USP43: variants seen among roughly 807,000 people sequenced by gnomAD.
The protein encoded by USP43 is ubiquitin carboxyl-terminal hydrolase 43.
Under a neutral mutation model 90.7 loss-of-function variants are expected in USP43, and 33 were observed. The ratio of observed to expected loss-of-function variants is 0.36; its 90% CI spans 0.28 to 0.49. USP43 has a LOEUF of 0.49. Among genes scored for constraint, USP43 ranks in the 20% least tolerant of loss-of-function variants. The pLI is 0.98. For synonymous variants in USP43, 598 were observed against 615.8 expected, an observed-to-expected ratio of 0.97 and a Z score of 0.43; for missense variants, 1,274 against 1,476.4, an observed-to-expected ratio of 0.86 and a Z score of 2.25.
intron 2 of USP43, among the ~76,000 whole-genome samples, chr17:9,663,232 A>G (rs1233695898): frequency 6.6e-6 from 1 of 151,948 alleles, no homozygotes; most frequent in East Asian, 1.9e-4. Flanking sequence ...AGATTAAGTA[A>G]CTTTTTTAGC....
Position 9,645,934 on chromosome 17 carries a change from A to T in USP43, c.302A>T (p.Gln101Leu). Residue 101 changes from glutamine to leucine, a missense_variant, in exon 1 of 15, where the codon CAG becomes CTG. Gln to Leu is a moderately radical substitution (Grantham distance 113, BLOSUM62 -2). Coordinates refer to ENST00000285199, the MANE Select transcript of USP43 (RefSeq NM_153210.5). The surrounding 1 kb of genome is among the most constrained non-coding windows in gnomAD (Gnocchi z 6.8). ...AGDGARPPGA[Q>L]GLKNHGNTCF... Reference sequence around the variant, plus strand: ...GATGGGGCGCGGCCGCCGGGCGCTCAGGGCTTGAAGAACCACGGCAACACC... The same window carrying T: ...GATGGGGCGCGGCCGCCGGGCGCTCTGGGCTTGAAGAACCACGGCAACACC... 6.8e-7 allele frequency: 1 copy of T among 1,477,358 alleles called. No individual in the cohort carries two copies. Among genetic ancestry groups the T allele is most frequent in the African/African-American group, 1.5e-5 (1 of 67,698 alleles). 91.5% of individuals were successfully genotyped at this position (1,477,358 alleles called of 1,614,324 possible). A position where few individuals can be genotyped will look rare whatever the true frequency, so the allele number is the denominator to read the frequency against.
At chr17:9,695,701 C>A (rs1915219292) in intron 9 of USP43, among the ~76,000 whole-genome samples, 1 of 152,120 alleles carries the variant, frequency 6.6e-6, no homozygotes, top group African/African-American at 2.4e-5. Context: ...TGTTATACAT[C>A]CATTGCCACC....
At chr17:9,691,108 A>ATTTTTTTTTTTTTTTTTTTTTTTTTT (rs557338364) in intron 8 of USP43, among the ~76,000 whole-genome samples, 1 of 130,120 alleles carries the variant, frequency 7.7e-6, no homozygotes, top group Non-Finnish European at 1.6e-5. Flanking sequence ...AATTTCCTTC[A>ATTTTTTTTTTTTTTTTTTTTTTTTTT]TTTTTTTTTT....
At chr17:9,703,546 G>T (rs993153674) in intron 12 of USP43, among the ~76,000 whole-genome samples, 2 of 152,228 alleles carry the variant, frequency 1.3e-5, no homozygotes, top group African/African-American at 4.8e-5. Context: ...GTCAGTGTTT[G>T]CACACACAGT....
At chr17:9,725,512 C>A (rs980857772) in intron 14 of USP43, among the ~76,000 whole-genome samples, 1 of 152,166 alleles carries the variant, frequency 6.6e-6, no homozygotes, top group Non-Finnish European at 1.5e-5. Context: ...GCCTCTTATT[C>A]CCTTCTGTTC....
intron 2 of USP43, among the ~76,000 whole-genome samples, chr17:9,659,243 G>T (rs142425782): frequency 1.3e-5 from 2 of 152,274 alleles, no homozygotes; most frequent in East Asian, 3.9e-4. Flanking sequence ...TGTGCCAGGG[G>T]TGTAACTTGA....
rs373484534 is a variant in USP43, at chr17:9,701,158, C to A, written c.1575C>A (p.Ala525=). ...GSLQEERAQD[A]DSVWQQQQAH... Reference sequence around the variant, plus strand: ...TCCAGGAGGAGCGAGCGCAGGATGCCGACAGTGTGTGGCAGCAGCAGCAGG... The same window carrying A: ...TCCAGGAGGAGCGAGCGCAGGATGCAGACAGTGTGTGGCAGCAGCAGCAGG... Residue 525 remains alanine (A), a synonymous_variant, in exon 11 of 15, where the codon GCC becomes GCA. Transcript: ENST00000285199. This position sits in a 1 kb window ranked among gnomAD's most constrained non-coding sequence, Gnocchi z 7.2. The A allele has an allele frequency of 1.3e-6, 2 of 1,518,782 alleles. No individual in the cohort carries two copies. Among genetic ancestry groups the A allele is most frequent in the East Asian group, 4.7e-5 (2 of 42,548 alleles). 94.1% of individuals were successfully genotyped at this position (1,518,782 alleles called of 1,614,324 possible). A position where few individuals can be genotyped will look rare whatever the true frequency, so the allele number is the denominator to read the frequency against.
At chr17:9,657,951 A>G (rs1480722587) in intron 2 of USP43, among the ~76,000 whole-genome samples, 1 of 152,234 alleles carries the variant, frequency 6.6e-6, no homozygotes, top group African/African-American at 2.4e-5. Context: ...TTCCATATCA[A>G]TGAGTGAGCA....
In USP43 at chr17:9,648,853, CTCTT is replaced by C. The variant is rs550830667; in HGVS notation, c.504+2721_504+2724del. Among the ~76,000 whole-genome samples, 83 of 151,858 alleles carry C rather than the reference CTCTT, an allele frequency of 5.5e-4. No individual in the cohort carries two copies. In the East Asian group the frequency reaches 0.012, roughly 22 times the overall value. ...TGTCTTTTCCTTTCTCTTTCTGTTT[CTCTT>C]TCTCTCTCTCTTTTCCTTCCTTCCT... On this transcript the variant is annotated intron_variant, in intron 1 of 14. Transcript: ENST00000285199.
At chr17:9,703,473 G>T (rs1915691746) in intron 12 of USP43, among the ~76,000 whole-genome samples, 1 of 152,224 alleles carries the variant, frequency 6.6e-6, no homozygotes. Flanking sequence ...GATTTTGGGG[G>T]TGGTGGTATG....
rs567192579 is a variant in USP43 at position 9,655,164 on chromosome 17, C to T, written c.505-1239C>T. Among the ~76,000 whole-genome samples, 25 of 147,426 alleles carry T rather than the reference C, an allele frequency of 1.7e-4. No homozygotes were observed. In the East Asian group the frequency reaches 5.0e-3, roughly 29 times the overall value. On this transcript the variant is annotated intron_variant, in intron 1 of 14. Transcript: ENST00000285199. ...GGTAAGGATTGTCCTGGTCCTCAGT[C>T]TTATTAAAACCAGTCCCTTTGGCAG...
intron 8 of USP43, among the ~76,000 whole-genome samples, chr17:9,691,777 G>A (rs573187629): frequency 3.2e-4 from 49 of 152,176 alleles, no homozygotes; most frequent in Admixed American, 2.1e-3. Context: ...GGCCAGGTGC[G>A]GTGGCTCATG....
chr17:9,727,981 G>A lies in USP43; in HGVS notation c.2363G>A (p.Arg788Gln), dbSNP rs200272651. 3.6e-4 allele frequency: 574 copies of A among 1,609,268 alleles called. 3 individuals are homozygous for A. The highest frequency in any genetic ancestry group is 4.6e-4 in the Non-Finnish European group (541 of 1,176,316). Residue 788 changes from arginine (R) to glutamine (Q), a missense_variant, in exon 15 of 15, where the codon CGG (arginine) becomes CAG (glutamine). Physicochemically the swap from Arg to Gln is conservative, Grantham distance 43 (BLOSUM62 1). Around this residue, in one of 6 missense-constraint regions of USP43, gnomAD observed 285 missense variants for 349.6 expected, o/e 0.82. Coordinates refer to ENST00000285199, the MANE Select transcript of USP43 (RefSeq NM_153210.5). ...GGGTTGGAGCCCAGGCGTTTGGTAC[G>A]GGGCGTGAAAGGCAGAAGCATTAGC... ...KGGLEPRRLVRGVKGRSISMK... is the reference protein window; with the variant it reads ...KGGLEPRRLVQGVKGRSISMK...
rs1454820728 is a variant in USP43 at position 9,663,741 on chromosome 17, G to T, written c.637-2907G>T. Among the ~76,000 whole-genome samples the T allele has an allele frequency of 2.0e-5, 3 of 151,874 alleles. No individual in the cohort carries two copies. The East Asian group carries it at 5.8e-4, about 29-fold the overall frequency. The stretch of plus-strand genomic sequence containing the variant: ...AGGGTTCAAGTGATTCTCCTGCCTC[G>T]GCCTCCTGAGTATGTGGGATTACAG... On this transcript the variant is annotated intron_variant, in intron 2 of 14. Transcript: ENST00000285199.
At chr17:9,689,858 G>C (rs1428975935) in intron 8 of USP43, among the ~76,000 whole-genome samples, 2 of 152,166 alleles carry the variant, frequency 1.3e-5, no homozygotes, top group Admixed American at 6.6e-5. Flanking sequence ...GGCTCCATTA[G>C]GGGCGGAGGA....
intron 9 of USP43, among the ~76,000 whole-genome samples, chr17:9,694,115 T>G (rs1415790587): frequency 6.6e-6 from 1 of 152,200 alleles, no homozygotes; most frequent in African/African-American, 2.4e-5. Context: ...AAACGAACTG[T>G]CTGGCACTTC....
At chr17:9,692,887 T>C (rs1041413328) in intron 8 of USP43, among the ~76,000 whole-genome samples, 1 of 152,186 alleles carries the variant, frequency 6.6e-6, no homozygotes, top group African/African-American at 2.4e-5. Context: ...GTGTTCATTT[T>C]TGGGGGGAAG....
chr17:9,647,699 G>A (rs1911534330), intron 1 of USP43: 1 of 152,174 alleles, frequency 6.6e-6, no homozygotes, highest in Non-Finnish European at 1.5e-5. Context: ...GAGGGCTGCA[G>A]TAGTTTGAAA....
intron 3 of USP43, among the ~76,000 whole-genome samples, chr17:9,672,099 C>T (rs922944197): frequency 1.2e-4 from 18 of 152,086 alleles, no homozygotes; most frequent in African/African-American, 3.6e-4. Context: ...CGGGTGCAAG[C>T]GATTCTTCTG....
Sources: gnomAD v4.1 joint callset for allele counts (sites outside exome capture counted in the v4.1 genomes callset) on GRCh38, gnomAD v4.1.1 for gene constraint, gnomAD v4.1.1 regional missense constraint, Gnocchi (gnomAD v3.1) non-coding constraint, MANE v1.5 for transcripts, NCBI Gene and HGNC (gene_info 2026-07-23, HGNC 2026-07-21) for gene names.